SLC9A8: variants seen among roughly 807,000 people sequenced by gnomAD.
SLC9A8 encodes the protein solute carrier family 9 member A8.
In SLC9A8, 48 loss-of-function variants were observed where a neutral mutation model predicts 66.6. The ratio of observed to expected loss-of-function variants is 0.72; its 90% CI spans 0.57 to 0.92. The LOEUF (loss-of-function observed/expected upper bound fraction) is 0.92, where lower values mean the gene tolerates loss of function less well. SLC9A8 is among the 40% of genes least tolerant of loss of function. SLC9A8 has a pLI of 0.00. For synonymous variants in SLC9A8, 274 were observed against 282.6 expected, an observed-to-expected ratio of 0.97 and a Z score of 0.31; for missense variants, 599 against 747.3, an observed-to-expected ratio of 0.80 and a Z score of 2.31.
intron 3 of SLC9A8, among the ~76,000 whole-genome samples, chr20:49,823,352 A>G (rs2086809764): frequency 6.6e-6 from 1 of 152,188 alleles, no homozygotes; most frequent in South Asian, 2.1e-4. Flanking sequence ...AAGGTCATGT[A>G]GAAGCCCAAA....
rs563114611 is a variant in SLC9A8 at position 49,892,151 on chromosome 20, G to A, written c.*4215G>A. 1.3e-5 allele frequency: 2 copies of A among 152,318 alleles called. No individual in the cohort carries two copies. Among genetic ancestry groups the A allele is most frequent in the Admixed American group, 1.3e-4 (2 of 15,298 alleles). 9.4% of individuals were successfully genotyped at this position (152,318 alleles called of 1,614,324 possible). A position where few individuals can be genotyped will look rare whatever the true frequency, so the allele number is the denominator to read the frequency against. The stretch of plus-strand genomic sequence containing the variant: ...CATGCAGGAGCCCCTGCGTCATCTC[G>A]TTGGACTCTTTAAGGGAGTCAGGAA... On this transcript the variant is annotated 3_prime_UTR_variant, in exon 16 of 16. Coordinates refer to ENST00000361573, the MANE Select transcript of SLC9A8 (RefSeq NM_015266.3).
intron 3 of SLC9A8, 150 bp from the exon 4 acceptor site, chr20:49,839,391 C>T (rs536469116): frequency 5.7e-5 from 24 of 421,198 alleles, no homozygotes; most frequent in Non-Finnish European, 9.9e-5. Context: ...ATAGATGTCT[C>T]ACGTCTCCCT....
intron 12 of SLC9A8, among the ~76,000 whole-genome samples, chr20:49,878,450 G>T (rs994752542): frequency 2.6e-5 from 4 of 152,130 alleles, no homozygotes; most frequent in African/African-American, 9.7e-5. Context: ...AATATGTAAA[G>T]AAAATATAGC....
In SLC9A8 at chr20:49,812,870, G is replaced by C. The variant is rs993626462; in HGVS notation, c.-53G>C. On this transcript the variant is annotated 5_prime_UTR_variant, in exon 1 of 16. Transcript: ENST00000361573. ...TCCAGCGGAAGCCGGAAGCAAAAGCGGGTCCTGCTAGCCCCGCGGCTCCGA... is the reference window on the plus strand; with the variant it reads ...TCCAGCGGAAGCCGGAAGCAAAAGCCGGTCCTGCTAGCCCCGCGGCTCCGA... The C allele has an allele frequency of 6.7e-7, 1 of 1,493,574 alleles. No homozygotes were observed. Among genetic ancestry groups the C allele is most frequent in the African/African-American group, 1.5e-5 (1 of 68,640 alleles). The allele number at this position is 1,493,574 out of a possible 1,614,324, so 92.5% of individuals were successfully genotyped here.
At position 49,850,861 on chromosome 20, in the gene SLC9A8, G is replaced by GT. The variant is rs749302690; in HGVS notation, c.569+18dup. 39 of 1,582,662 alleles carry GT rather than the reference G, an allele frequency of 2.5e-5. No homozygotes were observed. The highest frequency in any genetic ancestry group is 3.4e-5 in the Non-Finnish European group (39 of 1,160,870). On this transcript the variant is annotated intron_variant, in intron 7 of 15. Transcript: ENST00000361573. ...GACAGACAGGTAAATCCTTCATACT[G>GT]TAACACCCATGCGACTGCTTTTCAG...
At chr20:49,885,168 GC>G (rs2089843282) in intron 14 of SLC9A8, among the ~76,000 whole-genome samples, 1 of 152,174 alleles carries the variant, frequency 6.6e-6, no homozygotes, top group Admixed American at 6.5e-5. Context: ...GAGGCCCTTT[GC>G]CCCCACCCCC....
intron 3 of SLC9A8, among the ~76,000 whole-genome samples, chr20:49,838,134 A>G (rs4809760): frequency 0.45 from 68,854 of 152,004 alleles, 16,224 homozygotes; most frequent in African/African-American, 0.58. Context: ...AGGGCCTGAT[A>G]TAATATTTCC....
intron 10 of SLC9A8, among the ~76,000 whole-genome samples, chr20:49,868,814 C>T (rs1418424820): frequency 6.6e-6 from 1 of 152,232 alleles, no homozygotes; most frequent in African/African-American, 2.4e-5. Flanking sequence ...GATGGGGCAT[C>T]TGTGCCACTG....
In SLC9A8 at chr20:49,864,853, CAGAG is replaced by C. The variant is rs2088896610; in HGVS notation, c.958+12_958+15del. On this transcript the variant is annotated intron_variant, in intron 10 of 15. Coordinates refer to ENST00000361573, the MANE Select transcript of SLC9A8 (RefSeq NM_015266.3). Reference sequence around the variant, plus strand: ...AGGAATCTCACTCTCAGGTAAGTGACAGAGAGCCTGAAAGTGCTGTGGTGATGGC... The same window carrying C: ...AGGAATCTCACTCTCAGGTAAGTGACAGCCTGAAAGTGCTGTGGTGATGGC... 3 of 1,559,360 alleles carry C rather than the reference CAGAG, an allele frequency of 1.9e-6. No homozygotes were observed. Among genetic ancestry groups the C allele is most frequent in the Non-Finnish European group, 2.7e-6 (3 of 1,129,896 alleles).
At chr20:49,850,650 C>A in intron 6 of SLC9A8, 160 bp from the exon 7 acceptor site, 1 of 770,838 alleles carries the variant, frequency 1.3e-6, no homozygotes, top group Non-Finnish European at 2.0e-6. Flanking sequence ...ATGCATGTTT[C>A]AACTAAGGCT....
chr20:49,820,695 A>C (rs1295543741), intron 2 of SLC9A8, among the ~76,000 whole-genome samples: 3 of 151,672 alleles, frequency 2.0e-5, no homozygotes, highest in Non-Finnish European at 4.4e-5. Flanking sequence ...TCAGGTGCGC[A>C]CCACCACACC....
At chr20:49,829,363 C>CA (rs879443252) in intron 3 of SLC9A8, 1,057 of 148,774 alleles carry the variant, frequency 7.1e-3, no homozygotes, top group Middle Eastern at 0.02. Context: ...ACTAAAAATA[C>CA]AAAAAAAAAA....
intron 2 of SLC9A8, among the ~76,000 whole-genome samples, chr20:49,821,199 G>T (rs2086727140): frequency 6.6e-6 from 1 of 152,144 alleles, no homozygotes; most frequent in South Asian, 2.1e-4. Flanking sequence ...GCAAAGAGTT[G>T]TTTGATCTAT....
In SLC9A8 at chr20:49,881,013, G is replaced by A; in HGVS notation, c.1248G>A (p.Met416Ile). The change falls in exon 13 of 16, where the codon ATG becomes ATA. Residue 416 changes from methionine (M) to isoleucine (I), a missense_variant. Physicochemically the swap from Met to Ile is conservative, Grantham distance 10. Around this residue, in one of 2 missense-constraint regions of SLC9A8, gnomAD observed 467 missense variants for 626.5 expected, o/e 0.75. Transcript: ENST00000361573. ...GGGATCATAAAATCACACCGAAGAT[G>A]ATGTTCATCATGTGGTTTAGTGGTA... ...FFRDHKITPK[M>I]MFIMWFSGLR... 6.2e-7 allele frequency: 1 copy of A among 1,612,900 alleles called. No individual in the cohort carries two copies. The highest frequency in any genetic ancestry group is 1.1e-5 in the South Asian group (1 of 91,040).
Position 49,886,984 on chromosome 20 carries a change from A to T in SLC9A8, c.1638+86A>T. The stretch of plus-strand genomic sequence containing the variant: ...CGGTGGCCCAGGGTGGGGTGGAGGA[A>T]GAGTGGGGAGGCAGGAAAGCTCACG... On this transcript the variant is annotated intron_variant, in intron 15 of 15. Coordinates refer to ENST00000361573, the MANE Select transcript of SLC9A8 (RefSeq NM_015266.3). This position sits in a 1 kb window ranked among gnomAD's most constrained non-coding sequence, Gnocchi z 4.8. 1 of 1,458,256 alleles carries T rather than the reference A, an allele frequency of 6.9e-7. No homozygotes were observed. Among genetic ancestry groups the T allele is most frequent in the Non-Finnish European group, 9.3e-7 (1 of 1,075,840 alleles). The allele number at this position is 1,458,256 out of a possible 1,614,324, so 90.3% of individuals were successfully genotyped here.
At chr20:49,851,310 A>C (rs190806505) in intron 7 of SLC9A8, among the ~76,000 whole-genome samples, 34 of 152,244 alleles carry the variant, frequency 2.2e-4, no homozygotes, top group African/African-American at 7.2e-4. Context: ...TTATTGTAGA[A>C]AGCCCCTCCA....
At chr20:49,854,983 G>T (rs1483548272) in intron 7 of SLC9A8, among the ~76,000 whole-genome samples, 1 of 152,182 alleles carries the variant, frequency 6.6e-6, no homozygotes, top group East Asian at 1.9e-4. Flanking sequence ...GGTTGCTGCT[G>T]CTTTTTGACA....
At chr20:49,839,183 A>G (rs562856992) in intron 3 of SLC9A8, among the ~76,000 whole-genome samples, 2 of 152,368 alleles carry the variant, frequency 1.3e-5, no homozygotes, top group South Asian at 4.1e-4. Context: ...GGAAATAAAC[A>G]GTACACGGCA....
intron 10 of SLC9A8, among the ~76,000 whole-genome samples, chr20:49,873,719 C>T (rs1251624353): frequency 1.5e-5 from 2 of 131,868 alleles, no homozygotes; most frequent in African/African-American, 5.8e-5. Context: ...TGCAGTGAGT[C>T]GATTTCACGC....
Sources: allele counts gnomAD v4.1 joint callset (sites outside exome capture counted in the v4.1 genomes callset), GRCh38; gene constraint gnomAD v4.1.1; regional missense constraint gnomAD v4.1.1; non-coding constraint Gnocchi (gnomAD v3.1); transcripts MANE v1.5; gene names NCBI Gene and HGNC (gene_info 2026-07-23, HGNC 2026-07-21).